KIAA0232: variants seen among roughly 807,000 people sequenced by gnomAD.
KIAA0232 encodes the protein KIAA0232.
KIAA0232 carries 27 observed loss-of-function variants against 122.0 expected under a neutral mutation model. The observed-to-expected ratio is 0.22, with a 90% CI of 0.16 to 0.31. KIAA0232 has a LOEUF of 0.31. Ranked by LOEUF, KIAA0232 falls within the 10% of genes least tolerant of loss-of-function variation. KIAA0232 has a pLI of 1.00. For synonymous variants in KIAA0232, 613 were observed against 587.6 expected (o/e 1.04, Z -0.63); for missense variants, 1,551 against 1,634.2 (o/e 0.95, Z 0.88).
chr4:6,864,119 G>A lies in KIAA0232; in HGVS notation c.3737G>A (p.Cys1246Tyr). Reference sequence around the variant, plus strand: ...GAAGAAATTAATAATTTTTGTGGTTGCAAAGCAGGTTGTCAGTTTCCTGCT... The same window carrying A: ...GAAGAAATTAATAATTTTTGTGGTTACAAAGCAGGTTGTCAGTTTCCTGCT... The part of the protein sequence containing the change: ...CEEEINNFCG[C>Y]KAGCQFPAYE... The change falls in exon 7 of 10, where the codon TGC becomes TAC. Residue 1246 changes from cysteine (C) to tyrosine (Y), a missense_variant. Cys to Tyr is a radical substitution (Grantham distance 194, BLOSUM62 -2). Transcript: ENST00000307659. 6.2e-7 allele frequency: 1 copy of A among 1,614,090 alleles called. No homozygotes were observed. The highest frequency in any genetic ancestry group is 1.1e-5 in the South Asian group (1 of 91,048).
chr4:6,867,016 T>C (rs1037218853), intron 7 of KIAA0232, among the ~76,000 whole-genome samples: 1 of 152,272 alleles, frequency 6.6e-6, no homozygotes. Flanking sequence ...AGGATATTTT[T>C]TGCGCGTATT....
At chr4:6,839,798 A>G (rs1465316045) in intron 3 of KIAA0232, among the ~76,000 whole-genome samples, 1 of 152,140 alleles carries the variant, frequency 6.6e-6, no homozygotes, top group Non-Finnish European at 1.5e-5. Flanking sequence ...GCAGGACTTA[A>G]TGGCATGGCA....
intron 2 of KIAA0232, among the ~76,000 whole-genome samples, chr4:6,820,874 C>G (rs991223247): frequency 6.6e-6 from 1 of 152,148 alleles, no homozygotes; most frequent in African/African-American, 2.4e-5. Context: ...GCTGGGAAGT[C>G]CAAAAGCATG....
chr4:6,876,116 C>T (rs1721736177), intron 8 of KIAA0232, among the ~76,000 whole-genome samples: 1 of 152,156 alleles, frequency 6.6e-6, no homozygotes, highest in South Asian at 2.1e-4. Flanking sequence ...ATCGCTAGCA[C>T]CATTTCTTTT....
intron 2 of KIAA0232, among the ~76,000 whole-genome samples, chr4:6,808,688 TGTTA>T (rs1305470028): frequency 3.3e-5 from 5 of 151,982 alleles, no homozygotes; most frequent in Non-Finnish European, 5.9e-5. Context: ...AAAATTCCTA[TGTTA>T]GTTAGTCCCT....
intron 2 of KIAA0232, among the ~76,000 whole-genome samples, chr4:6,805,500 T>C (rs1159065476): frequency 6.6e-6 from 1 of 152,198 alleles, no homozygotes; most frequent in Non-Finnish European, 1.5e-5. Context: ...TGGCTGTGGC[T>C]TTTATAGTAA....
At chr4:6,823,125 T>G (rs1458654447) in intron 2 of KIAA0232, among the ~76,000 whole-genome samples, 1 of 151,910 alleles carries the variant, frequency 6.6e-6, no homozygotes, top group East Asian at 1.9e-4. Context: ...TTTTTATGGC[T>G]GCATAGTATT....
intron 1 of KIAA0232, among the ~76,000 whole-genome samples, chr4:6,785,760 T>A (rs1395705143): frequency 2.0e-5 from 3 of 152,200 alleles, no homozygotes; most frequent in Non-Finnish European, 4.4e-5. Context: ...GATACCAGCA[T>A]CACAATGCAG....
At chr4:6,827,981 C>A (rs905224090) in intron 3 of KIAA0232, among the ~76,000 whole-genome samples, 5 of 151,950 alleles carry the variant, frequency 3.3e-5, no homozygotes, top group Non-Finnish European at 7.4e-5. Flanking sequence ...GCTTTTCTCA[C>A]CCATCTTTCA....
At chr4:6,876,898 C>G in intron 9 of KIAA0232, 141 bp downstream of exon 9, 1 of 624,326 alleles carries the variant, frequency 1.6e-6, no homozygotes, top group Admixed American at 2.6e-5. Flanking sequence ...TGCAGACTTC[C>G]TGTTCTCTGG....
At chr4:6,814,215 T>G (rs972394490) in intron 2 of KIAA0232, among the ~76,000 whole-genome samples, 1 of 152,150 alleles carries the variant, frequency 6.6e-6, no homozygotes, top group Non-Finnish European at 1.5e-5. Flanking sequence ...AGAGAGGTTG[T>G]TGTATTTCCA....
At chr4:6,791,315 CTTTTTTTT>C (rs10716163) in intron 1 of KIAA0232, among the ~76,000 whole-genome samples, 4 of 82,672 alleles carry the variant, frequency 4.8e-5, no homozygotes, top group South Asian at 4.2e-4. Context: ...GTCATAAAGC[CTTTTTTTT>C]TTTTTTTTTT....
intron 8 of KIAA0232, 74 bp downstream of exon 8, chr4:6,871,756 T>G: frequency 2.2e-6 from 2 of 918,550 alleles, no homozygotes; most frequent in Middle Eastern, 4.4e-4. Flanking sequence ...TCTTTTTCTA[T>G]GAATATCAGT....
At position 6,862,246 on chromosome 4, in the gene KIAA0232, G is replaced by A; in HGVS notation, c.1864G>A (p.Val622Met). Reference sequence around the variant, plus strand: ...ACTCTCTCCCATCTTAGACAGCACAGTGCTCAATTCACACCTGCTTGCTGG... The same window carrying A: ...ACTCTCTCCCATCTTAGACAGCACAATGCTCAATTCACACCTGCTTGCTGG... Reference protein sequence around the residue: ...VRLSPILDSTVLNSHLLAGNQ... With the variant: ...VRLSPILDSTMLNSHLLAGNQ... The change falls in exon 7 of 10, where the codon GTG (valine) becomes ATG (methionine). Residue 622 changes from valine (V) to methionine (M), a missense_variant. By Grantham distance (21) the Val-to-Met change is conservative. Transcript: ENST00000307659. 6.2e-7 allele frequency: 1 copy of A among 1,614,190 alleles called. No homozygotes were observed. Among genetic ancestry groups the A allele is most frequent in the Non-Finnish European group, 8.5e-7 (1 of 1,180,040 alleles).
chr4:6,881,787 A>G lies in KIAA0232; in HGVS notation c.*821A>G, dbSNP rs3822268. Reference sequence around the variant, plus strand: ...TCCATACGTGCTAAGGACCTTAGTTACAGATTGTTACTTTCTGGTGACCTA... The same window carrying G: ...TCCATACGTGCTAAGGACCTTAGTTGCAGATTGTTACTTTCTGGTGACCTA... On this transcript the variant is annotated 3_prime_UTR_variant, in exon 10 of 10. Coordinates refer to ENST00000307659, the MANE Select transcript of KIAA0232 (RefSeq NM_014743.3). 0.86 allele frequency: 130,816 copies of G among 152,626 alleles called. 56,462 individuals carry two copies. The highest frequency in any genetic ancestry group is 0.91 in the Non-Finnish European group (61,654 of 68,020). 9.5% of individuals were successfully genotyped at this position (152,626 alleles called of 1,614,324 possible).
chr4:6,844,328 A>G (rs1719839330), intron 4 of KIAA0232, among the ~76,000 whole-genome samples: 1 of 151,944 alleles, frequency 6.6e-6, no homozygotes, highest in Non-Finnish European at 1.5e-5. Context: ...TGAATCTAAC[A>G]TTCATTTTTA....
intron 9 of KIAA0232, among the ~76,000 whole-genome samples, chr4:6,877,396 T>C (rs1721815663): frequency 6.6e-6 from 1 of 152,242 alleles, no homozygotes; most frequent in African/African-American, 2.4e-5. Context: ...GGCAGGCAAA[T>C]GAACCTAAGG....
intron 2 of KIAA0232, among the ~76,000 whole-genome samples, chr4:6,812,755 A>G (rs1203826833): frequency 6.6e-6 from 1 of 152,034 alleles, no homozygotes; most frequent in African/African-American, 2.4e-5. Context: ...CAAGGTCCAC[A>G]TTTTACATTT....
In KIAA0232 at chr4:6,863,388, G is replaced by T; in HGVS notation, c.3006G>T (p.Pro1002=). The part of the protein sequence containing the change: ...PFVSFEQNDQ[P]KSGENGLNKG... ...TGTCATTTGAACAGAATGATCAGCC[G>T]AAGAGTGGGGAAAATGGGTTAAATA... is the stretch of plus-strand genomic sequence containing the variant. The change falls in exon 7 of 10, where the codon CCG becomes CCT. Residue 1002 remains proline, a synonymous_variant. Coordinates refer to ENST00000307659, the MANE Select transcript of KIAA0232 (RefSeq NM_014743.3). The T allele has an allele frequency of 6.2e-7, 1 of 1,614,160 alleles. No homozygotes were observed. The highest frequency in any genetic ancestry group is 1.1e-5 in the South Asian group (1 of 91,074).
Sources: gnomAD v4.1 joint callset for allele counts (sites outside exome capture counted in the v4.1 genomes callset) on GRCh38, gnomAD v4.1.1 for gene constraint, MANE v1.5 for transcripts, NCBI Gene and HGNC (gene_info 2026-07-23, HGNC 2026-07-21) for gene names.